DIP2C: variants seen among roughly 807,000 people sequenced by gnomAD.
DIP2C encodes DIP2 acetate--CoA ligase C (putative), also known as disco-interacting protein 2 homolog C.
DIP2C carries 33 observed loss-of-function variants against 192.4 expected under a neutral mutation model. That is an observed-to-expected ratio of 0.17 (90% confidence interval 0.13 to 0.23). DIP2C has a LOEUF of 0.23. Among genes scored for constraint, DIP2C ranks in the 10% least tolerant of loss-of-function variants. DIP2C has a pLI of 1.00. For missense variants in DIP2C, 1,537 were observed against 2,110.1 expected (o/e 0.73, Z 5.32); for synonymous variants, 979 against 864.1 (o/e 1.13, Z -2.33).
intron 1 of DIP2C, among the ~76,000 whole-genome samples, chr10:538,803 CA>C (rs1262505333): frequency 1.3e-5 from 2 of 152,152 alleles, no homozygotes; most frequent in Non-Finnish European, 1.5e-5. Context: ...TAAATTATAT[CA>C]AAAAAATTGT....
chr10:601,121 C>A (rs573351566), intron 1 of DIP2C, among the ~76,000 whole-genome samples: 2 of 152,280 alleles, frequency 1.3e-5, no homozygotes, highest in South Asian at 2.1e-4. Context: ...TTAAGAAAAA[C>A]CAAAAGGCAG....
intron 1 of DIP2C, among the ~76,000 whole-genome samples, chr10:494,771 C>G (rs1844695426): frequency 6.6e-6 from 1 of 152,198 alleles, no homozygotes; most frequent in South Asian, 2.1e-4. Context: ...CAAAGGGAAC[C>G]CTTGCACGCT....
intron 10 of DIP2C, among the ~76,000 whole-genome samples, chr10:396,530 A>G (rs778185951): frequency 9.2e-5 from 14 of 152,220 alleles, no homozygotes; most frequent in Non-Finnish European, 2.1e-4. Context: ...GCTCATGCCT[A>G]CAAGTTCCTG....
intron 2 of DIP2C, chr10:484,664 G>A: frequency 7.2e-7 from 1 of 1,388,310 alleles, no homozygotes; most frequent in Non-Finnish European, 9.5e-7. Flanking sequence ...TGGAGAATGG[G>A]ACCCTCAGGC....
chr10:663,809 G>A (rs981764714), intron 1 of DIP2C: 4 of 151,842 alleles, frequency 2.6e-5, no homozygotes, highest in African/African-American at 9.7e-5. Flanking sequence ...CGGCTCTCAA[G>A]CAGGGGCGAT....
intron 1 of DIP2C, among the ~76,000 whole-genome samples, chr10:492,781 T>C (rs1239669404): frequency 6.6e-6 from 1 of 152,194 alleles, no homozygotes; most frequent in Non-Finnish European, 1.5e-5. Flanking sequence ...TTCTCTTTGG[T>C]ACGTTAAGAA....
intron 1 of DIP2C, among the ~76,000 whole-genome samples, chr10:522,812 C>T (rs754629785): frequency 4.6e-5 from 7 of 152,228 alleles, no homozygotes; most frequent in Non-Finnish European, 1.0e-4. Flanking sequence ...GATACGTTCT[C>T]CCCGTCTGCG....
At chr10:376,042 G>A (rs914655630) in intron 17 of DIP2C, among the ~76,000 whole-genome samples, 4 of 152,124 alleles carry the variant, frequency 2.6e-5, no homozygotes, top group Admixed American at 6.5e-5. Flanking sequence ...GTCATGTAAC[G>A]GCGGTAACAT....
chr10:397,123 A>G (rs1232544380), intron 10 of DIP2C, among the ~76,000 whole-genome samples: 1 of 152,216 alleles, frequency 6.6e-6, no homozygotes, highest in African/African-American at 2.4e-5. Flanking sequence ...TTGAGTCAAC[A>G]AACTTTAATG....
In DIP2C at chr10:414,081, G is replaced by C; in HGVS notation, c.889C>G (p.Pro297Ala). The change falls in exon 8 of 37, where the codon CCG (proline) becomes GCG (alanine). Residue 297 changes from proline to alanine, a missense_variant. Transcript: ENST00000280886. ...VQQPDPNQPK[P>A]EGAQMLAMRG... ...ATGGCCAGCATCTGGGCCCCCTCCGGCTTTGGTTGGTTCGGATCCGGTTGT... is the reference window on the plus strand; with the variant it reads ...ATGGCCAGCATCTGGGCCCCCTCCGCCTTTGGTTGGTTCGGATCCGGTTGT... The C allele has an allele frequency of 6.2e-7, 1 of 1,613,806 alleles. No homozygotes were observed. Among genetic ancestry groups the C allele is most frequent in the Non-Finnish European group, 8.5e-7 (1 of 1,179,772 alleles).
At chr10:324,966 C>A (rs1051334091) in intron 31 of DIP2C, 1 of 532,458 alleles carries the variant, frequency 1.9e-6, no homozygotes, top group African/African-American at 1.9e-5. Context: ...CCTTGTAAAC[C>A]ATCTTAAAAC....
At chr10:523,247 T>A (rs1239587865) in intron 1 of DIP2C, among the ~76,000 whole-genome samples, 1 of 148,702 alleles carries the variant, frequency 6.7e-6, no homozygotes, top group Non-Finnish European at 1.5e-5. Context: ...GGACTGTGTA[T>A]GACCCACACA....
chr10:279,529 GATGAGAA>G (rs1257918857), intron 36 of DIP2C, among the ~76,000 whole-genome samples: 1 of 152,218 alleles, frequency 6.6e-6, no homozygotes, highest in Non-Finnish European at 1.5e-5. Flanking sequence ...GAGAACAACT[GATGAGAA>G]ATGAGAAAGT....
intron 6 of DIP2C, among the ~76,000 whole-genome samples, chr10:417,935 C>CCTCCCTGTCCACCTG (rs1965846206): frequency 9.8e-6 from 1 of 102,324 alleles, no homozygotes; most frequent in African/African-American, 3.8e-5. Context: ...CCTGTCAGGG[C>CCTCCCTGTCCACCTG]TTCGATAGGC....
chr10:584,062 A>T (rs1850828844), intron 1 of DIP2C, among the ~76,000 whole-genome samples: 1 of 152,066 alleles, frequency 6.6e-6, no homozygotes, highest in African/African-American at 2.4e-5. Context: ...GTGGCCCCCA[A>T]ATCCCTGCAT....
intron 1 of DIP2C, among the ~76,000 whole-genome samples, chr10:609,286 G>A (rs897067245): frequency 2.0e-5 from 3 of 152,230 alleles, no homozygotes; most frequent in Non-Finnish European, 4.4e-5. Context: ...TTTTTCTGGT[G>A]ATGGAAATTA....
chr10:559,840 G>T (rs1849106363), intron 1 of DIP2C, among the ~76,000 whole-genome samples: 1 of 152,210 alleles, frequency 6.6e-6, no homozygotes, highest in African/African-American at 2.4e-5. Flanking sequence ...GTTCAGCACA[G>T]CACGGTCCAG....
At chr10:472,414 T>C (rs761154461) in intron 3 of DIP2C, 25 bp downstream of exon 3, 10 of 1,601,936 alleles carry the variant, frequency 6.2e-6, no homozygotes, top group Non-Finnish European at 6.8e-6. Flanking sequence ...GATGGACGTA[T>C]TGTATCACCC....
chr10:313,527 T>C (rs187931604), intron 31 of DIP2C, among the ~76,000 whole-genome samples: 3 of 152,276 alleles, frequency 2.0e-5, no homozygotes, highest in Admixed American at 2.0e-4. Context: ...CTCTGAATGA[T>C]ACAGTACAAC....
Sources: allele counts gnomAD v4.1 joint callset (sites outside exome capture counted in the v4.1 genomes callset), GRCh38; gene constraint gnomAD v4.1.1; transcripts MANE v1.5; gene names NCBI Gene and HGNC (gene_info 2026-07-23, HGNC 2026-07-21).